DLG2: variants seen among roughly 807,000 people sequenced by gnomAD.
The protein encoded by DLG2 is discs large MAGUK scaffold protein 2.
In DLG2, 45 loss-of-function variants were observed where a neutral mutation model predicts 132.5. That is an observed-to-expected ratio of 0.34 (90% CI 0.27 to 0.44). The LOEUF is 0.44. DLG2 is among the 20% of genes least tolerant of loss of function. The pLI is 1.00. For synonymous variants in DLG2, 424 were observed against 419.6 expected (o/e 1.01, Z -0.13); for missense variants, 1,045 against 1,196.9 (o/e 0.87, Z 1.87).
intron 6 of DLG2, among the ~76,000 whole-genome samples, chr11:84,538,192 A>C (rs938430924): frequency 1.3e-5 from 2 of 152,178 alleles, no homozygotes; most frequent in Non-Finnish European, 2.9e-5. Context: ...TCTCAGTTTG[A>C]AACAGGGTCT....
intron 6 of DLG2, among the ~76,000 whole-genome samples, chr11:84,600,686 C>T (rs1482709861): frequency 1.3e-5 from 2 of 152,084 alleles, no homozygotes; most frequent in Non-Finnish European, 2.9e-5. Context: ...TATTTAGTGT[C>T]AAGACCTCAC....
chr11:85,309,742 C>T (rs2080194810), intron 3 of DLG2, among the ~76,000 whole-genome samples: 1 of 152,090 alleles, frequency 6.6e-6, no homozygotes, highest in Non-Finnish European at 1.5e-5. Flanking sequence ...ATGTACTGTT[C>T]TCTCCACCTG....
At chr11:84,050,995 T>C (rs1356528911) in intron 11 of DLG2, among the ~76,000 whole-genome samples, 1 of 151,730 alleles carries the variant, frequency 6.6e-6, no homozygotes, top group East Asian at 1.9e-4. Context: ...TGAGAAGACA[T>C]TTATGCAGCC....
intron 16 of DLG2, among the ~76,000 whole-genome samples, chr11:83,873,741 T>C (rs1429334887): frequency 6.6e-6 from 1 of 152,204 alleles, no homozygotes; most frequent in Non-Finnish European, 1.5e-5. Context: ...TGGAGGAATA[T>C]TTATGAACTT....
At chr11:84,054,753 G>A (rs567688761) in intron 11 of DLG2, among the ~76,000 whole-genome samples, 2 of 152,118 alleles carry the variant, frequency 1.3e-5, no homozygotes, top group Non-Finnish European at 2.9e-5. Flanking sequence ...TTGAAAAACT[G>A]TAAATTTAAT....
In DLG2 at chr11:84,535,814, A is replaced by G. The variant is rs185909027; in HGVS notation, c.358-1083T>C. On this transcript the variant is annotated intron_variant, in intron 6 of 27. Coordinates refer to ENST00000376104, the MANE Select transcript of DLG2 (RefSeq NM_001142699.3). ...AGTGTTAGTTTGCTTTACTTTGCCT[A>G]TGTTCCTTGTGCATAACACAGGGAT... is the stretch of plus-strand genomic sequence containing the variant. Among the ~76,000 whole-genome samples the G allele has an allele frequency of 2.4e-3, 363 of 152,258 alleles. 7 individuals are homozygous for G. The highest frequency in any genetic ancestry group is 3.2e-4 in the Non-Finnish European group (22 of 68,014).
At chr11:84,605,636 C>A (rs1409847611) in intron 6 of DLG2, among the ~76,000 whole-genome samples, 1 of 151,476 alleles carries the variant, frequency 6.6e-6, no homozygotes, top group Non-Finnish European at 1.5e-5. Context: ...TCAATTGCAC[C>A]CATTTATAAG....
chr11:85,463,217 G>C (rs2092674050), intron 3 of DLG2, among the ~76,000 whole-genome samples: 1 of 152,136 alleles, frequency 6.6e-6, no homozygotes, highest in Non-Finnish European at 1.5e-5. Flanking sequence ...TATCAAGGTT[G>C]GATACATTAT....
Position 84,860,139 on chromosome 11 carries a change from A to G in DLG2, c.357+251522T>C, listed in dbSNP as rs543092063. 1.6e-4 allele frequency among the ~76,000 whole-genome samples: 24 copies of G among 152,310 alleles called. 1 individual carries two copies. The South Asian group carries it at 5.0e-3, about 32-fold the overall frequency. On this transcript the variant is annotated intron_variant, in intron 6 of 27. Transcript: ENST00000376104. ...AAACATTTGTTGAATGAACAAATAA[A>G]TAAATTTCAACCTCTTCGACTTAAA... is the stretch of plus-strand genomic sequence containing the variant.
chr11:84,923,168 G>C, intron 6 of DLG2: 1 of 1,611,930 alleles, frequency 6.2e-7, no homozygotes, highest in Non-Finnish European at 8.5e-7. Context: ...TCAGCACAGC[G>C]CAAGCCCCAC....
At chr11:84,296,911 T>C (rs1288004902) in intron 7 of DLG2, among the ~76,000 whole-genome samples, 2 of 152,138 alleles carry the variant, frequency 1.3e-5, no homozygotes, top group Non-Finnish European at 2.9e-5. Flanking sequence ...AAATAAGATA[T>C]TCCAAATATC....
At chr11:83,720,737 C>CT (rs1566694041) in intron 18 of DLG2, 1 of 125,822 alleles carries the variant, frequency 7.9e-6, no homozygotes, top group Non-Finnish European at 1.6e-5. Flanking sequence ...TTCAGCCCTC[C>CT]CTTTTTTTTT....
At chr11:85,598,468 T>A (rs11827281) in intron 3 of DLG2, among the ~76,000 whole-genome samples, 189 bp downstream of exon 3, 11 of 152,092 alleles carry the variant, frequency 7.2e-5, no homozygotes, top group African/African-American at 2.7e-4. Context: ...AATTCCTTTC[T>A]AGGTTAACCT....
intron 3 of DLG2, among the ~76,000 whole-genome samples, chr11:85,320,101 T>C (rs766750248): frequency 6.6e-6 from 1 of 151,902 alleles, no homozygotes; most frequent in South Asian, 2.1e-4. Context: ...TAGCAGCACA[T>C]GCCATCTTAT....
intron 8 of DLG2, among the ~76,000 whole-genome samples, chr11:84,225,770 T>C (rs1224561886): frequency 6.6e-6 from 1 of 152,036 alleles, no homozygotes; most frequent in Non-Finnish European, 1.5e-5. Flanking sequence ...ATTTCTTAAA[T>C]AAATATATAA....
rs2095763358 is a variant in DLG2 at position 84,169,534 on chromosome 11, G to GTAT, written c.574-6024_574-6023insATA. 2.0e-5 allele frequency among the ~76,000 whole-genome samples: 3 copies of GTAT among 152,190 alleles called. No homozygotes were observed. The South Asian group carries it at 6.2e-4, about 32-fold the overall frequency. On this transcript the variant is annotated intron_variant, in intron 8 of 27. Transcript: ENST00000376104. ...CTAAGATGCACTGCCTTGTGTATAG[G>GTAT]AATTACCTTAGCTTTTGTTCTCAAA... is the stretch of plus-strand genomic sequence containing the variant.
In DLG2 at chr11:83,706,786, C is replaced by A. The variant is rs117419025; in HGVS notation, c.1826-73461G>T. ...GGCGAGTGGGCTCTCGGGTAGAAAG[C>A]AGAGAGAGGCGTGGCAGCTAAGGCA... On this transcript the variant is annotated intron_variant, in intron 18 of 27. Coordinates refer to ENST00000376104, the MANE Select transcript of DLG2 (RefSeq NM_001142699.3). Among the ~76,000 whole-genome samples, 79 of 152,240 alleles carry A rather than the reference C, an allele frequency of 5.2e-4. No homozygotes were observed. The East Asian group carries it at 0.013, about 25-fold the overall frequency.
chr11:85,070,888 G>A (rs907359699), intron 6 of DLG2, among the ~76,000 whole-genome samples: 1 of 151,740 alleles, frequency 6.6e-6, no homozygotes, highest in African/African-American at 2.4e-5. Flanking sequence ...TTGGTACGTA[G>A]GTCCTTGTGA....
intron 7 of DLG2, among the ~76,000 whole-genome samples, chr11:84,356,895 G>C (rs2098616175): frequency 6.6e-6 from 1 of 151,982 alleles, no homozygotes; most frequent in Non-Finnish European, 1.5e-5. Flanking sequence ...GTGAATATTT[G>C]GAGGGGACTA....
Sources: gnomAD v4.1 joint callset for allele counts (sites outside exome capture counted in the v4.1 genomes callset) on GRCh38, gnomAD v4.1.1 for gene constraint, MANE v1.5 for transcripts, NCBI Gene and HGNC (gene_info 2026-07-23, HGNC 2026-07-21) for gene names.